The following XPO7 variants were observed in gnomAD, a reference collection of about 807,000 sequenced individuals.
XPO7 encodes exportin-7.
In XPO7, 21 loss-of-function variants were observed where a neutral mutation model predicts 144.3. The ratio of observed to expected loss-of-function variants is 0.15; its 90% CI spans 0.10 to 0.21. The LOEUF (loss-of-function observed/expected upper bound fraction) is 0.21, where lower values mean the gene tolerates loss of function less well. XPO7 is among the 10% of genes least tolerant of loss of function. XPO7 has a pLI of 1.00. For synonymous variants in XPO7, 580 were observed against 499.6 expected, an observed-to-expected ratio of 1.16 and a Z score of -2.15; for missense variants, 808 against 1,325.8, an observed-to-expected ratio of 0.61 and a Z score of 6.06.
chr8:21,959,995 G>T (rs1357387505), intron 1 of XPO7, among the ~76,000 whole-genome samples: 1 of 152,168 alleles, frequency 6.6e-6, no homozygotes, highest in Non-Finnish European at 1.5e-5. Flanking sequence ...CAAATCTGTT[G>T]TCCTATCATG....
chr8:21,930,834 C>T (rs1810620956), intron 1 of XPO7, among the ~76,000 whole-genome samples: 1 of 152,124 alleles, frequency 6.6e-6, no homozygotes, highest in Admixed American at 6.6e-5. Flanking sequence ...TTTCAATAGC[C>T]TTTAGATGTT....
intron 11 of XPO7, 105 bp from the exon 12 acceptor site, chr8:21,984,541 A>G (rs749057546): frequency 2.6e-5 from 28 of 1,064,932 alleles, no homozygotes; most frequent in Non-Finnish European, 3.3e-5. Flanking sequence ...GTAGACCTCT[A>G]CAGTCAGAAA....
chr8:21,994,460 A>C lies in XPO7; in HGVS notation c.2237+9A>C. Reference sequence around the variant, plus strand: ...ATGCTCTTTGAATGGATGTATCCTAACTCAAACTAGGAGCACACTACAGCC... The same window carrying C: ...ATGCTCTTTGAATGGATGTATCCTACCTCAAACTAGGAGCACACTACAGCC... On this transcript the variant is annotated intron_variant, in intron 20 of 27. Transcript: ENST00000252512. The C allele has an allele frequency of 6.2e-7, 1 of 1,608,342 alleles. No individual in the cohort carries two copies. The highest frequency in any genetic ancestry group is 1.1e-5 in the South Asian group (1 of 90,596).
intron 3 of XPO7, chr8:21,969,787 T>G: frequency 1.8e-6 from 1 of 569,230 alleles, no homozygotes; most frequent in South Asian, 2.3e-5. Flanking sequence ...TCCTCCCTTT[T>G]GTTATCGGGA....
rs576510771 is a variant in XPO7 at position 21,927,538 on chromosome 8, CTT to C, written c.18+7770_18+7771del. 2.0e-3 allele frequency among the ~76,000 whole-genome samples: 245 copies of C among 120,528 alleles called. 1 individual carries two copies. The highest frequency in any genetic ancestry group is 5.8e-3 in the African/African-American group (166 of 28,388). 79.1% of individuals were successfully genotyped at this position (120,528 alleles called of 152,430 possible). On this transcript the variant is annotated intron_variant, in intron 1 of 27. Coordinates refer to ENST00000252512, the MANE Select transcript of XPO7 (RefSeq NM_015024.5). The stretch of plus-strand genomic sequence containing the variant: ...AGGGTGAGACTTAAAAAAAACCAAC[CTT>C]TTTTTTTTTTTTTTTTTTTCTTAAG...
rs538713302 is a variant in XPO7, at chr8:21,943,857, T to A, written c.19-23000T>A. On this transcript the variant is annotated intron_variant, in intron 1 of 27. Coordinates refer to ENST00000252512, the MANE Select transcript of XPO7 (RefSeq NM_015024.5). Reference sequence around the variant, plus strand: ...TGGTTAAAGTATTTAAAAAGTATATTGCTGAATTCAAAGTTGTGCCGGAGA... The same window carrying A: ...TGGTTAAAGTATTTAAAAAGTATATAGCTGAATTCAAAGTTGTGCCGGAGA... 3.9e-5 allele frequency among the ~76,000 whole-genome samples: 6 copies of A among 152,294 alleles called. No individual in the cohort carries two copies. In the East Asian group the frequency reaches 1.2e-3, roughly 29 times the overall value.
intron 11 of XPO7, 28 bp from the exon 12 acceptor site, chr8:21,984,618 G>A: frequency 1.9e-6 from 3 of 1,574,408 alleles, no homozygotes; most frequent in East Asian, 2.3e-5. Flanking sequence ...TTTTAAGAGA[G>A]CTGCCTTCCT....
intron 1 of XPO7, among the ~76,000 whole-genome samples, chr8:21,944,734 TC>T (rs1271885797): frequency 9.2e-5 from 14 of 152,146 alleles, no homozygotes; most frequent in African/African-American, 1.7e-4. Context: ...TCTCCGGTTT[TC>T]CTAGGCCCTG....
In XPO7 at chr8:21,968,348, A is replaced by C. The variant is rs939783277; in HGVS notation, c.166-1135A>C. Among the ~76,000 whole-genome samples the C allele has an allele frequency of 2.6e-5, 4 of 152,348 alleles. No individual in the cohort carries two copies. In the South Asian group the frequency reaches 8.3e-4, roughly 32 times the overall value. On this transcript the variant is annotated intron_variant, in intron 2 of 27. Coordinates refer to ENST00000252512, the MANE Select transcript of XPO7 (RefSeq NM_015024.5). ...TATTATAATATTGTTTATACAGTAAATAGAACAAATTATAATTGGTTGAAA... is the reference window on the plus strand; with the variant it reads ...TATTATAATATTGTTTATACAGTAACTAGAACAAATTATAATTGGTTGAAA...
At position 21,999,210 on chromosome 8, in the gene XPO7, T is replaced by A. The variant is rs1178716968; in HGVS notation, c.2548T>A (p.Phe850Ile). ...KAALSGSYVNFGVFRLYGDDA... is the reference protein window; with the variant it reads ...KAALSGSYVNIGVFRLYGDDA... ...TGCTCTCAGTGGGAGTTACGTCAAT[T>A]TCGGAGTCTTTCGTCTCTATGGAGA... is the stretch of plus-strand genomic sequence containing the variant. Residue 850 changes from phenylalanine to isoleucine, a missense_variant, in exon 23 of 28, where the codon TTC becomes ATC. Phe to Ile is a conservative substitution (Grantham distance 21). Around this residue, in one of 5 missense-constraint regions of XPO7, gnomAD observed 416 missense variants for 612.5 expected, o/e 0.68. Transcript: ENST00000252512. 1 of 1,613,944 alleles carries A rather than the reference T, an allele frequency of 6.2e-7. No homozygotes were observed.
intron 1 of XPO7, among the ~76,000 whole-genome samples, chr8:21,933,187 A>AC (rs1810711510): frequency 7.4e-6 from 1 of 135,330 alleles, no homozygotes; most frequent in Non-Finnish European, 1.5e-5. Context: ...TGCAACCTCC[A>AC]CCTCCTGGGT....
chr8:21,973,964 G>A (rs893123125), intron 5 of XPO7, among the ~76,000 whole-genome samples: 2 of 152,160 alleles, frequency 1.3e-5, no homozygotes, highest in Non-Finnish European at 2.9e-5. Flanking sequence ...AATATTATGG[G>A]CTGTTGTCAT....
chr8:21,926,576 A>T (rs941712518), intron 1 of XPO7, among the ~76,000 whole-genome samples: 1 of 151,854 alleles, frequency 6.6e-6, no homozygotes, highest in Non-Finnish European at 1.5e-5. Flanking sequence ...AACCTCATTC[A>T]CCTCTGCTAA....
At chr8:21,946,000 C>T (rs1036057082) in intron 1 of XPO7, among the ~76,000 whole-genome samples, 2 of 152,198 alleles carry the variant, frequency 1.3e-5, no homozygotes, top group Non-Finnish European at 2.9e-5. Flanking sequence ...TCCTAGAAAG[C>T]ACCTTGGAGT....
At chr8:21,923,560 C>G (rs536019369) in intron 1 of XPO7, among the ~76,000 whole-genome samples, 1 of 151,988 alleles carries the variant, frequency 6.6e-6, no homozygotes, top group Non-Finnish European at 1.5e-5. Flanking sequence ...TCCTGAGAAG[C>G]CTTGAGAAAA....
intron 8 of XPO7, among the ~76,000 whole-genome samples, chr8:21,978,121 G>A (rs987788035): frequency 2.0e-5 from 3 of 152,062 alleles, no homozygotes; most frequent in Non-Finnish European, 4.4e-5. Flanking sequence ...TTCCTCAAAC[G>A]GCCACAGGCT....
At chr8:21,996,589 C>T (rs754713470) in intron 21 of XPO7, among the ~76,000 whole-genome samples, 13 of 151,910 alleles carry the variant, frequency 8.6e-5, no homozygotes, top group Non-Finnish European at 1.6e-4. Flanking sequence ...ATTAGAATAC[C>T]CTTTCTTAAG....
At chr8:21,985,952 G>A (rs1485354837) in intron 13 of XPO7, among the ~76,000 whole-genome samples, 1 of 152,076 alleles carries the variant, frequency 6.6e-6, no homozygotes, top group Non-Finnish European at 1.5e-5. Context: ...GTCTTTTTAC[G>A]AATAGTATCT....
At chr8:21,966,045 A>G (rs1238183416) in intron 1 of XPO7, among the ~76,000 whole-genome samples, 1 of 152,186 alleles carries the variant, frequency 6.6e-6, no homozygotes, top group Non-Finnish European at 1.5e-5. Context: ...GCCTTTAAAC[A>G]CCACATTAAG....
Sources: gnomAD v4.1 joint callset for allele counts (sites outside exome capture counted in the v4.1 genomes callset) on GRCh38, gnomAD v4.1.1 for gene constraint, gnomAD v4.1.1 regional missense constraint, MANE v1.5 for transcripts, NCBI Gene and HGNC (gene_info 2026-07-23, HGNC 2026-07-21) for gene names.